The following PLCB1 variants were observed in gnomAD, a reference collection of about 807,000 sequenced individuals.
PLCB1 encodes the protein 1-phosphatidylinositol 4,5-bisphosphate phosphodiesterase beta-1.
Under a neutral mutation model 161.8 loss-of-function variants are expected in PLCB1, and 46 were observed. The observed-to-expected ratio is 0.28, with a 90% confidence interval of 0.22 to 0.36. PLCB1 has a LOEUF of 0.36. PLCB1 is among the 10% of genes least tolerant of loss of function. The probability of loss-of-function intolerance (pLI) is 1.00; values close to 1 mark genes in which losing one functional copy is unlikely to be tolerated. For synonymous variants in PLCB1, 517 were observed against 503.7 expected (o/e 1.03, Z -0.35); for missense variants, 1,016 against 1,472.5 (o/e 0.69, Z 5.07).
intron 3 of PLCB1, among the ~76,000 whole-genome samples, chr20:8,496,774 C>G (rs1983194581): frequency 6.6e-6 from 1 of 152,166 alleles, no homozygotes; most frequent in South Asian, 2.1e-4. Context: ...ATCAAGTTGG[C>G]CTGTATCCTA....
rs186101032 is a variant in PLCB1 at position 8,593,811 on chromosome 20, A to G, written c.247-34483A>G. Among the ~76,000 whole-genome samples, 9 of 152,178 alleles carry G rather than the reference A, an allele frequency of 5.9e-5. No homozygotes were observed. In the East Asian group the frequency reaches 1.5e-3, roughly 26 times the overall value. ...GTTTTGTGACATTTTTTCGGGGAAGATTCTATTATCAGGAGGAAACTGAGG... is the reference window on the plus strand; with the variant it reads ...GTTTTGTGACATTTTTTCGGGGAAGGTTCTATTATCAGGAGGAAACTGAGG... On this transcript the variant is annotated intron_variant, in intron 3 of 31. Coordinates refer to ENST00000338037, the MANE Select transcript of PLCB1 (RefSeq NM_015192.4).
intron 26 of PLCB1, among the ~76,000 whole-genome samples, chr20:8,771,472 G>A (rs1982673222): frequency 6.6e-6 from 1 of 151,956 alleles, no homozygotes; most frequent in Admixed American, 6.6e-5. Context: ...AAGGAGTATG[G>A]GTTTGATAAT....
intron 2 of PLCB1, among the ~76,000 whole-genome samples, chr20:8,331,365 C>G (rs147328770): frequency 2.2e-5 from 3 of 134,264 alleles, no homozygotes; most frequent in African/African-American, 8.4e-5. Context: ...TTTTTTTTTT[C>G]TATGTTCAAA....
At chr20:8,495,512 C>T (rs536110164) in intron 3 of PLCB1, among the ~76,000 whole-genome samples, 1 of 151,494 alleles carries the variant, frequency 6.6e-6, no homozygotes, top group East Asian at 1.9e-4. Context: ...ATTCTCCTGC[C>T]TCAGCTTCCT....
At chr20:8,377,194 A>G (rs1209279924) in intron 3 of PLCB1, among the ~76,000 whole-genome samples, 1 of 152,096 alleles carries the variant, frequency 6.6e-6, no homozygotes, top group African/African-American at 2.4e-5. Context: ...AGTGCTGGGA[A>G]GGGGTCTGCT....
rs557779156 is a variant in PLCB1 at position 8,142,228 on chromosome 20, G to A, written c.100-8066G>A. On this transcript the variant is annotated intron_variant, in intron 1 of 31. Transcript: ENST00000338037. ...TCACAGTGGGTTCACACAGGGGAGT[G>A]TGCAGCCTTGAGGCAGACCTGGAGG... Among the ~76,000 whole-genome samples, 4 of 152,296 alleles carry A rather than the reference G, an allele frequency of 2.6e-5. No homozygotes were observed. The South Asian group carries it at 8.3e-4, about 32-fold the overall frequency.
chr20:8,514,636 T>C (rs181528863), intron 3 of PLCB1, among the ~76,000 whole-genome samples: 117 of 152,216 alleles, frequency 7.7e-4, no homozygotes, highest in Non-Finnish European at 1.3e-3. Context: ...TAAACAATAC[T>C]GTGCCCCATA....
chr20:8,182,885 A>G (rs1014392583), intron 2 of PLCB1, among the ~76,000 whole-genome samples: 1 of 152,110 alleles, frequency 6.6e-6, no homozygotes, highest in Non-Finnish European at 1.5e-5. Context: ...CTGGCTGCAC[A>G]GTTGATTATC....
At position 8,610,058 on chromosome 20, in the gene PLCB1, C is replaced by T. The variant is rs569141985; in HGVS notation, c.247-18236C>T. On this transcript the variant is annotated intron_variant, in intron 3 of 31. Transcript: ENST00000338037. ...CCCCTACCCATTAATAAGCATTCTTCCCTCCTTCCTCTTCCCAGACCCTGG... is the reference window on the plus strand; with the variant it reads ...CCCCTACCCATTAATAAGCATTCTTTCCTCCTTCCTCTTCCCAGACCCTGG... Among the ~76,000 whole-genome samples, 11 of 152,200 alleles carry T rather than the reference C, an allele frequency of 7.2e-5. No individual in the cohort carries two copies. In the South Asian group the frequency reaches 2.1e-3, roughly 29 times the overall value.
chr20:8,547,669 C>T (rs1320703619), intron 3 of PLCB1, among the ~76,000 whole-genome samples: 1 of 152,212 alleles, frequency 6.6e-6, no homozygotes, highest in African/African-American at 2.4e-5. Context: ...TGACATTCCA[C>T]AGTGGCCTCC....
chr20:8,635,727 T>G (rs1035680516), intron 4 of PLCB1, among the ~76,000 whole-genome samples: 2 of 152,170 alleles, frequency 1.3e-5, no homozygotes, highest in African/African-American at 2.4e-5. Flanking sequence ...GAGGGGAATT[T>G]CTTTTAAGCA....
chr20:8,828,763 C>A (rs1273614221), intron 31 of PLCB1, among the ~76,000 whole-genome samples: 1 of 152,106 alleles, frequency 6.6e-6, no homozygotes, highest in African/African-American at 2.4e-5. Context: ...GGAGAAAAAA[C>A]ACCTTTTATA....
At chr20:8,843,654 A>C (rs1711759595) in intron 31 of PLCB1, among the ~76,000 whole-genome samples, 2 of 152,086 alleles carry the variant, frequency 1.3e-5, no homozygotes, top group South Asian at 4.1e-4. Context: ...ATAAATAATG[A>C]GAAAGAATAA....
chr20:8,817,430 G>A (rs967649037), intron 31 of PLCB1, among the ~76,000 whole-genome samples: 1 of 152,050 alleles, frequency 6.6e-6, no homozygotes, highest in Non-Finnish European at 1.5e-5. Context: ...GTCCTCACTG[G>A]GGGGTTTGAA....
chr20:8,838,210 T>C (rs1986365546), intron 31 of PLCB1, among the ~76,000 whole-genome samples: 1 of 152,158 alleles, frequency 6.6e-6, no homozygotes. Context: ...GAGGAAAGAC[T>C]CCTGTATATT....
intron 3 of PLCB1, among the ~76,000 whole-genome samples, chr20:8,609,474 A>G (rs546835862): frequency 3.3e-5 from 5 of 152,210 alleles, no homozygotes; most frequent in Non-Finnish European, 5.9e-5. Flanking sequence ...AAAGCTGTGC[A>G]TGTTATGACT....
intron 3 of PLCB1, among the ~76,000 whole-genome samples, chr20:8,423,194 A>C (rs539892600): frequency 2.6e-5 from 4 of 152,260 alleles, no homozygotes; most frequent in Admixed American, 2.6e-4. Flanking sequence ...CACCTACTTC[A>C]TAAGCCCCAA....
intron 9 of PLCB1, among the ~76,000 whole-genome samples, chr20:8,675,315 A>G (rs1320111342): frequency 6.6e-6 from 1 of 152,192 alleles, no homozygotes; most frequent in Non-Finnish European, 1.5e-5. Context: ...CCTAATAAGT[A>G]CCTGGGAGCT....
chr20:8,572,719 C>A (rs577654016), intron 3 of PLCB1, among the ~76,000 whole-genome samples: 1 of 152,236 alleles, frequency 6.6e-6, no homozygotes, highest in African/African-American at 2.4e-5. Context: ...AACACAAGCT[C>A]AAAGATAAAA....
Sources: allele counts gnomAD v4.1 joint callset (sites outside exome capture counted in the v4.1 genomes callset), GRCh38; gene constraint gnomAD v4.1.1; transcripts MANE v1.5; gene names NCBI Gene and HGNC (gene_info 2026-07-23, HGNC 2026-07-21).